Variants in ABI3BP observed in about 807,000 individuals in gnomAD.
ABI3BP encodes the protein target of Nesh-SH3.
Under a neutral mutation model 268.6 loss-of-function variants are expected in ABI3BP, and 216 were observed. The ratio of observed to expected loss-of-function variants is 0.80; its 90% confidence interval spans 0.72 to 0.90. The LOEUF is 0.90. Among genes scored for constraint, ABI3BP ranks in the 40% least tolerant of loss-of-function variants. ABI3BP has a pLI of 0.00. For synonymous variants in ABI3BP, 730 were observed against 730.0 expected (o/e 1.00, Z 0.00); for missense variants, 2,090 against 2,182.4 (o/e 0.96, Z 0.84).
At chr3:100,979,599 A>G (rs570223365) in intron 1 of ABI3BP, among the ~76,000 whole-genome samples, 1 of 152,276 alleles carries the variant, frequency 6.6e-6, no homozygotes, top group East Asian at 1.9e-4. Flanking sequence ...CCAACCATGA[A>G]AAGGAATGTT....
intron 57 of ABI3BP, among the ~76,000 whole-genome samples, chr3:100,783,144 A>G (rs2096918583): frequency 6.6e-6 from 1 of 152,174 alleles, no homozygotes; most frequent in Admixed American, 6.5e-5. Context: ...ATTCCCTGTG[A>G]TCAAAAAGGG....
In ABI3BP at chr3:100,938,092, C is replaced by T. The variant is rs143450268; in HGVS notation, c.80-11611G>A. On this transcript the variant is annotated intron_variant, in intron 1 of 67. Coordinates refer to ENST00000471714, the MANE Select transcript of ABI3BP (RefSeq NM_001375547.2). ...TTCTCACTTATAAGTGGGGGCTAAA[C>T]GATGAGAACATATGGACACAAAGAG... is the stretch of plus-strand genomic sequence containing the variant. 7.7e-3 allele frequency among the ~76,000 whole-genome samples: 1,175 copies of T among 151,878 alleles called. 15 individuals carry two copies. Among genetic ancestry groups the T allele is most frequent in the African/African-American group, 0.027 (1,126 of 41,430 alleles).
Position 100,862,849 on chromosome 3 carries a change from C to T in ABI3BP, c.1199G>A (p.Arg400Lys), listed in dbSNP as rs1335518052. 18 of 1,535,222 alleles carry T rather than the reference C, an allele frequency of 1.2e-5. No individual in the cohort carries two copies. The highest frequency in any genetic ancestry group is 6.9e-5 in the African/African-American group (5 of 72,960). Residue 400 changes from arginine to lysine, a missense_variant, in exon 13 of 68, where the codon AGG (arginine) becomes AAG (lysine). Transcript: ENST00000471714. ...GGTACTCTTATTACCCAATGTGCCC[C>T]TAGGTTTCTCAAAAGGGAAGGGTGT... ...AKTPFPFEKP[R>K]GTLASSEKPW...
chr3:100,970,713 A>C (rs1330432444), intron 1 of ABI3BP, among the ~76,000 whole-genome samples: 3 of 152,194 alleles, frequency 2.0e-5, no homozygotes, highest in African/African-American at 7.2e-5. Context: ...TAGTTCCACC[A>C]GGAGAGCAGC....
At chr3:100,934,771 A>G (rs1354368368) in intron 1 of ABI3BP, among the ~76,000 whole-genome samples, 2 of 152,126 alleles carry the variant, frequency 1.3e-5, no homozygotes, top group African/African-American at 4.8e-5. Context: ...TGTTGGCTGC[A>G]TAAATGTCTT....
intron 2 of ABI3BP, among the ~76,000 whole-genome samples, chr3:100,919,948 C>T (rs1051667079): frequency 1.4e-4 from 22 of 152,138 alleles, no homozygotes; most frequent in African/African-American, 5.3e-4. Flanking sequence ...ACACAGGATA[C>T]CCTTGATAAT....
At chr3:100,840,313 T>C in intron 22 of ABI3BP, 149 bp from the exon 23 acceptor site, 1 of 616,298 alleles carries the variant, frequency 1.6e-6, no homozygotes, top group Non-Finnish European at 2.7e-6. Context: ...TCATTATTTA[T>C]GTAGTTAAAT....
chr3:100,834,720 T>C lies in ABI3BP; in HGVS notation c.2245A>G (p.Thr749Ala). The C allele has an allele frequency of 6.5e-7, 1 of 1,535,666 alleles. No individual in the cohort carries two copies. The highest frequency in any genetic ancestry group is 8.7e-7 in the Non-Finnish European group (1 of 1,146,546). Residue 749 changes from threonine (T) to alanine (A), a missense_variant, in exon 29 of 68, where the codon ACC becomes GCC. Transcript: ENST00000471714. ...RTRRPRPKHK[T>A]TPRPETLQTK... ...TGCAGTGTCTCTGGGCGTGGCGTGG[T>C]TTTATGTTTGGGACGTGGACGACGT...
intron 44 of ABI3BP, among the ~76,000 whole-genome samples, chr3:100,815,655 C>T (rs150814167): frequency 5.3e-4 from 80 of 152,080 alleles, no homozygotes; most frequent in Non-Finnish European, 1.0e-3. Flanking sequence ...CAATTTGGAC[C>T]TCAGATTTAA....
chr3:100,780,110 A>G lies in ABI3BP; in HGVS notation c.4240+22T>C, dbSNP rs982796249. 4.3e-6 allele frequency: 7 copies of G among 1,610,704 alleles called. No homozygotes were observed. In the Admixed American group the frequency reaches 8.4e-5, roughly 19 times the overall value. ...AAGTTTCAGAGCTGAGCTGTCATAA[A>G]AGTCAGCATGTTATTACTTACCTGG... On this transcript the variant is annotated intron_variant, in intron 58 of 67. Coordinates refer to ENST00000471714, the MANE Select transcript of ABI3BP (RefSeq NM_001375547.2).
At chr3:100,801,161 G>A (rs1209465578) in intron 51 of ABI3BP, among the ~76,000 whole-genome samples, 1 of 151,796 alleles carries the variant, frequency 6.6e-6, no homozygotes, top group East Asian at 1.9e-4. Context: ...GGAAAAGATG[G>A]GCAATTCCCA....
At chr3:100,897,814 G>T (rs1263930974) in intron 4 of ABI3BP, among the ~76,000 whole-genome samples, 1 of 152,094 alleles carries the variant, frequency 6.6e-6, no homozygotes, top group Non-Finnish European at 1.5e-5. Flanking sequence ...AAAGGAATAA[G>T]AAAACTTCTG....
intron 57 of ABI3BP, among the ~76,000 whole-genome samples, 192 bp from the exon 58 acceptor site, chr3:100,780,401 G>A (rs2096833909): frequency 6.6e-6 from 1 of 152,078 alleles, no homozygotes; most frequent in African/African-American, 2.4e-5. Context: ...TAGTTGTGAT[G>A]TTTTCTCTGT....
At chr3:100,800,089 T>C in intron 51 of ABI3BP, among the ~76,000 whole-genome samples, 1 of 149,774 alleles carries the variant, frequency 6.7e-6, no homozygotes, top group South Asian at 2.2e-4. Context: ...GTCTTTGTAG[T>C]TCCATATCCA....
intron 1 of ABI3BP, among the ~76,000 whole-genome samples, chr3:100,928,275 A>C (rs73143044): frequency 7.9e-5 from 12 of 152,136 alleles, no homozygotes; most frequent in African/African-American, 2.9e-4. Context: ...TATTTAAAAA[A>C]TATTTTGACT....
At position 100,766,021 on chromosome 3, in the gene ABI3BP, A is replaced by C. The variant is rs1576954326; in HGVS notation, c.4742-72T>G. ...TGACTTAATTGCTCCTGAAGCTAAT[A>C]GCATAAAAAAGCCACTTACATAAAG... is the stretch of plus-strand genomic sequence containing the variant. On this transcript the variant is annotated intron_variant, in intron 62 of 67. Transcript: ENST00000471714. 4 of 1,095,114 alleles carry C rather than the reference A, an allele frequency of 3.7e-6. No individual in the cohort carries two copies. In the East Asian group the frequency reaches 1.0e-4, roughly 28 times the overall value. 67.8% of individuals were successfully genotyped at this position (1,095,114 alleles called of 1,614,324 possible).
chr3:100,758,096 A>C (rs1426605254), intron 63 of ABI3BP, among the ~76,000 whole-genome samples: 3 of 151,002 alleles, frequency 2.0e-5, no homozygotes, highest in Admixed American at 2.0e-4. Flanking sequence ...AATCCCCTCC[A>C]AAAACAAACA....
At chr3:100,811,119 C>T (rs1041332057) in intron 48 of ABI3BP, 111 bp downstream of exon 48, 34 of 863,942 alleles carry the variant, frequency 3.9e-5, no homozygotes, top group East Asian at 8.7e-5. Flanking sequence ...ACTGCCATGG[C>T]GAAGAGTGAC....
In ABI3BP at chr3:100,835,517, A is replaced by C. The variant is rs1301191119; in HGVS notation, c.2191+84T>G. ...GATGATGAGAAAATCTTATGAAAGA[A>C]AAAACCCTTAGCCCAAATAGTGATG... is the stretch of plus-strand genomic sequence containing the variant. On this transcript the variant is annotated intron_variant, in intron 28 of 67. Transcript: ENST00000471714. 4.7e-6 allele frequency: 5 copies of C among 1,065,516 alleles called. No individual in the cohort carries two copies. The East Asian group carries it at 1.3e-4, about 29-fold the overall frequency. 66.0% of individuals were successfully genotyped at this position (1,065,516 alleles called of 1,614,324 possible).
Sources: gnomAD v4.1 joint callset for allele counts (sites outside exome capture counted in the v4.1 genomes callset) on GRCh38, gnomAD v4.1.1 for gene constraint, MANE v1.5 for transcripts, NCBI Gene and HGNC (gene_info 2026-07-23, HGNC 2026-07-21) for gene names.